Variants in PARP8 observed in about 807,000 individuals in gnomAD.
PARP8 encodes poly(ADP-ribose) polymerase family member 8, also known as protein mono-ADP-ribosyltransferase PARP8.
Under a neutral mutation model 124.1 loss-of-function variants are expected in PARP8, and 51 were observed. The observed-to-expected ratio is 0.41, with a 90% CI of 0.33 to 0.52. The LOEUF (loss-of-function observed/expected upper bound fraction) is 0.52. PARP8 is among the 20% of genes least tolerant of loss of function. The pLI is 0.21. For missense variants in PARP8, 860 were observed against 1,018.9 expected (o/e 0.84, Z 2.12); for synonymous variants, 391 against 361.5 (o/e 1.08, Z -0.93).
At chr5:50,770,621 G>A (rs2928241) in intron 7 of PARP8, among the ~76,000 whole-genome samples, 149,196 of 151,488 alleles carry the variant, frequency 0.98, 73,680 homozygotes, top group African/African-American at 1. Flanking sequence ...AGGAAGGAAG[G>A]AAGGAGGGAG....
chr5:50,840,586 C>T (rs547935794), intron 25 of PARP8, among the ~76,000 whole-genome samples: 4 of 151,672 alleles, frequency 2.6e-5, no homozygotes, highest in Non-Finnish European at 4.4e-5. Flanking sequence ...ATTTAAGGAT[C>T]GGAGATAGAG....
chr5:50,767,462 CAT>C (rs1307747495), intron 7 of PARP8, among the ~76,000 whole-genome samples: 1 of 152,150 alleles, frequency 6.6e-6, no homozygotes, highest in African/African-American at 2.4e-5. Context: ...ACCACGGGGA[CAT>C]AATCTAGATG....
chr5:50,798,486 T>C (rs1742812118), intron 14 of PARP8, among the ~76,000 whole-genome samples: 1 of 151,246 alleles, frequency 6.6e-6, no homozygotes, highest in Admixed American at 6.6e-5. Flanking sequence ...AGTGGCACGA[T>C]CTCGGCTCAC....
chr5:50,707,660 AGAG>A (rs1754299904), intron 2 of PARP8, among the ~76,000 whole-genome samples: 5 of 150,522 alleles, frequency 3.3e-5, no homozygotes, highest in African/African-American at 1.2e-4. Context: ...AGAGAGAGAG[AGAG>A]AAAATGCCAG....
At position 50,843,610 on chromosome 5, in the gene PARP8, A is replaced by G. The variant is rs1044993186; in HGVS notation, c.*1542A>G. 2.0e-4 allele frequency: 30 copies of G among 151,774 alleles called. No individual in the cohort carries two copies. Among genetic ancestry groups the G allele is most frequent in the African/African-American group, 7.3e-4 (30 of 41,378 alleles). 9.4% of individuals were successfully genotyped at this position (151,774 alleles called of 1,614,324 possible). On this transcript the variant is annotated 3_prime_UTR_variant, in exon 26 of 26. Coordinates refer to ENST00000281631, the MANE Select transcript of PARP8 (RefSeq NM_024615.4). ...GATATTAATCATTTTGATAGTATCT[A>G]CTTAAAGCATTGATCTGTTTTGACT...
At chr5:50,758,376 G>A (rs1760189975) in intron 3 of PARP8, among the ~76,000 whole-genome samples, 1 of 152,080 alleles carries the variant, frequency 6.6e-6, no homozygotes, top group Non-Finnish European at 1.5e-5. Flanking sequence ...GACTGTTAAA[G>A]CCTTAGGTCT....
In PARP8 at chr5:50,735,385, C is replaced by T. The variant is rs78495820; in HGVS notation, c.147-14766C>T. On this transcript the variant is annotated intron_variant, in intron 2 of 25. Coordinates refer to ENST00000281631, the MANE Select transcript of PARP8 (RefSeq NM_024615.4). ...ATGTGACTCCTTTGTTCTAATTTTA[C>T]ATTATATGGTACAATCAAATTCTCT... Among the ~76,000 whole-genome samples, 257 of 152,214 alleles carry T rather than the reference C, an allele frequency of 1.7e-3. 3 individuals carry two copies. The highest frequency in any genetic ancestry group is 0.015 in the East Asian group (79 of 5,180).
rs548701627 is a variant in PARP8, at chr5:50,802,460, A to G, written c.1575+5227A>G. On this transcript the variant is annotated intron_variant, in intron 14 of 25. Coordinates refer to ENST00000281631, the MANE Select transcript of PARP8 (RefSeq NM_024615.4). ...CACCCTCGCAAGTAACCAGGACTGCAGGCACAAGCCACTATGCCTGGCTAA... is the reference window on the plus strand; with the variant it reads ...CACCCTCGCAAGTAACCAGGACTGCGGGCACAAGCCACTATGCCTGGCTAA... Among the ~76,000 whole-genome samples the G allele has an allele frequency of 3.9e-5, 6 of 152,234 alleles. No individual in the cohort carries two copies. The East Asian group carries it at 1.2e-3, about 29-fold the overall frequency.
At chr5:50,762,912 C>A (rs1760700724) in intron 6 of PARP8, among the ~76,000 whole-genome samples, 1 of 152,190 alleles carries the variant, frequency 6.6e-6, no homozygotes, top group Non-Finnish European at 1.5e-5. Context: ...CAGACATTTA[C>A]TTCACTAGTT....
chr5:50,791,867 G>A (rs1181724482), intron 10 of PARP8, among the ~76,000 whole-genome samples: 1 of 152,086 alleles, frequency 6.6e-6, no homozygotes, highest in Non-Finnish European at 1.5e-5. Context: ...ACTTAAAAGT[G>A]CGAATCAAAA....
At chr5:50,733,614 C>T (rs1030843211) in intron 2 of PARP8, among the ~76,000 whole-genome samples, 1 of 152,036 alleles carries the variant, frequency 6.6e-6, no homozygotes, top group Non-Finnish European at 1.5e-5. Context: ...GGACAGAAAT[C>T]GTGGTTGAAT....
At chr5:50,782,417 T>C (rs778816709) in intron 9 of PARP8, among the ~76,000 whole-genome samples, 6 of 152,160 alleles carry the variant, frequency 3.9e-5, no homozygotes, top group African/African-American at 4.8e-5. Flanking sequence ...TATTGAAAAT[T>C]TGAGGAAAAT....
chr5:50,732,293 G>A (rs1757047482), intron 2 of PARP8, among the ~76,000 whole-genome samples: 1 of 152,180 alleles, frequency 6.6e-6, no homozygotes, highest in African/African-American at 2.4e-5. Flanking sequence ...ATACAATATG[G>A]AAGGGAACCT....
chr5:50,819,318 A>G (rs1431923520), intron 15 of PARP8, among the ~76,000 whole-genome samples: 3 of 151,926 alleles, frequency 2.0e-5, no homozygotes, highest in African/African-American at 7.3e-5. Flanking sequence ...CTTTTATAAA[A>G]CTTCAATTGC....
rs776517872 is a variant in PARP8, at chr5:50,824,937, G to T, written c.1890G>T (p.Met630Ile). 1 of 1,613,160 alleles carries T rather than the reference G, an allele frequency of 6.2e-7. No individual in the cohort carries two copies. Among genetic ancestry groups the T allele is most frequent in the Admixed American group, 1.7e-5 (1 of 59,984 alleles). Reference sequence around the variant, plus strand: ...CATATCTGGAAATCAAGAAGCAAATGGATAAACAGGACCCCCTTGCTCATC... The same window carrying T: ...CATATCTGGAAATCAAGAAGCAAATTGATAAACAGGACCCCCTTGCTCATC... ...QAPYLEIKKQ[M>I]DKQDPLAHPL... Residue 630 changes from methionine to isoleucine, a missense_variant, in exon 18 of 26, where the codon ATG (methionine) becomes ATT (isoleucine). This residue lies in a region of PARP8 where 343 missense variants were observed against 474.7 expected (regional missense o/e 0.72). Transcript: ENST00000281631.
At chr5:50,786,613 C>T (rs1741280661) in intron 9 of PARP8, among the ~76,000 whole-genome samples, 1 of 151,830 alleles carries the variant, frequency 6.6e-6, no homozygotes, top group Non-Finnish European at 1.5e-5. Flanking sequence ...AGCAATTCAC[C>T]TGCCTGAGCC....
chr5:50,708,940 C>T (rs565971526), intron 2 of PARP8, among the ~76,000 whole-genome samples: 2 of 148,284 alleles, frequency 1.3e-5, no homozygotes, highest in East Asian at 4.1e-4. Flanking sequence ...TGCCACCATG[C>T]CTGGCTGATT....
chr5:50,832,851 A>T lies in PARP8; in HGVS notation c.2304A>T (p.Ser768=). ...PASSSKSSNT[S]QSQKKGQQSQ... ...CAAGCAGTAAAAGCAGCAATACATC[A>T]CAGGTGTTGTAGTGACTTTAGTGAC... is the stretch of plus-strand genomic sequence containing the variant. Residue 768 remains serine, a synonymous_variant, in exon 23 of 26, where the codon TCA becomes TCT. Coordinates refer to ENST00000281631, the MANE Select transcript of PARP8 (RefSeq NM_024615.4). 1.9e-6 allele frequency: 3 copies of T among 1,613,064 alleles called. No homozygotes were observed. The South Asian group carries it at 3.3e-5, about 18-fold the overall frequency.
intron 2 of PARP8, among the ~76,000 whole-genome samples, chr5:50,698,589 C>G (rs1215984309): frequency 6.6e-6 from 1 of 151,938 alleles, no homozygotes; most frequent in Non-Finnish European, 1.5e-5. Context: ...TTTTTTCCCC[C>G]CAAAGCACAG....
Sources: allele counts gnomAD v4.1 joint callset (sites outside exome capture counted in the v4.1 genomes callset), GRCh38; gene constraint gnomAD v4.1.1; regional missense constraint gnomAD v4.1.1; transcripts MANE v1.5; gene names NCBI Gene and HGNC (gene_info 2026-07-23, HGNC 2026-07-21).